Variants in USH2A observed in about 807,000 individuals in gnomAD.
USH2A encodes the protein Usher syndrome 2A (autosomal recessive, mild).
In USH2A, 443 loss-of-function variants were observed where a neutral mutation model predicts 538.9. The observed-to-expected ratio is 0.82, with a 90% CI of 0.76 to 0.89. The LOEUF (loss-of-function observed/expected upper bound fraction) is 0.89, where lower values mean the gene tolerates loss of function less well. USH2A is among the 40% of genes least tolerant of loss of function. The pLI, the probability that USH2A is intolerant of heterozygous loss-of-function variation, is 0.00. For missense variants in USH2A, 6,633 were observed against 6,324.8 expected (o/e 1.05, Z -1.65); for synonymous variants, 2,413 against 2,273.5 (o/e 1.06, Z -1.75).
rs141126974 is a variant in USH2A, at chr1:215,640,722, C to T, written c.14804G>A (p.Arg4935Gln). The T allele has an allele frequency of 1.0e-4, 169 of 1,611,828 alleles. No individual in the cohort carries two copies. The African/African-American group carries it at 1.9e-3, about 18-fold the overall frequency. Residue 4935 changes from arginine (R) to glutamine (Q), a missense_variant, in exon 68 of 72, where the codon CGA becomes CAA. Transcript: ENST00000307340. The part of the protein sequence containing the change: ...FTTQKELPQY[R>Q]APFSVDSNLS... ...ATTGCTGTCCACCGAAAATGGGGCT[C>T]GGTACTGAGGCACTGTGGGGAGAAA...
chr1:216,264,976 T>C lies in USH2A; in HGVS notation c.1972-13878A>G, dbSNP rs78531793. On this transcript the variant is annotated intron_variant, in intron 11 of 71. Transcript: ENST00000307340. ...ACTATGAAAATACTAGAAGTAAACC[T>C]AGGAGACGTGCTTCAGGACATTGGT... is the stretch of plus-strand genomic sequence containing the variant. 5.3e-3 allele frequency among the ~76,000 whole-genome samples: 806 copies of C among 152,118 alleles called. 8 individuals carry two copies. Among genetic ancestry groups the C allele is most frequent in the Non-Finnish European group, 9.7e-3 (660 of 67,984 alleles).
At chr1:215,690,344 C>T (rs1477927098) in intron 61 of USH2A, among the ~76,000 whole-genome samples, 2 of 152,172 alleles carry the variant, frequency 1.3e-5, no homozygotes, top group African/African-American at 4.8e-5. Flanking sequence ...TGGCAACTCC[C>T]TTACCCATCT....
At chr1:215,677,874 A>G (rs938830692) in intron 62 of USH2A, among the ~76,000 whole-genome samples, 1 of 152,210 alleles carries the variant, frequency 6.6e-6, no homozygotes, top group African/African-American at 2.4e-5. Flanking sequence ...CCAGCAAAGA[A>G]CACTCTCAGG....
chr1:215,864,908 A>C (rs1222555924), intron 44 of USH2A, among the ~76,000 whole-genome samples: 1 of 152,198 alleles, frequency 6.6e-6, no homozygotes, highest in African/African-American at 2.4e-5. Context: ...TGATGTGTAC[A>C]TGGGGAGGGT....
intron 20 of USH2A, among the ~76,000 whole-genome samples, chr1:216,187,930 G>A (rs1401946476): frequency 6.6e-6 from 1 of 151,920 alleles, no homozygotes; most frequent in African/African-American, 2.4e-5. Flanking sequence ...TGGCATTTTG[G>A]CTAACCATTT....
At chr1:215,951,865 T>TTA (rs1571840795) in intron 37 of USH2A, among the ~76,000 whole-genome samples, 2 of 151,894 alleles carry the variant, frequency 1.3e-5, no homozygotes, top group South Asian at 2.1e-4. Context: ...TTTTTATTTT[T>TTA]TTTATTTTTT....
At chr1:215,927,183 C>T (rs1361941175) in intron 38 of USH2A, among the ~76,000 whole-genome samples, 3 of 152,062 alleles carry the variant, frequency 2.0e-5, no homozygotes, top group Non-Finnish European at 4.4e-5. Context: ...CTTTGAAAAA[C>T]TTTCAGTGAG....
At chr1:216,090,212 A>C (rs1159957780) in intron 22 of USH2A, among the ~76,000 whole-genome samples, 1 of 151,958 alleles carries the variant, frequency 6.6e-6, no homozygotes, top group East Asian at 1.9e-4. Flanking sequence ...TTTTTTCAAA[A>C]AGAGAAAATA....
At chr1:215,988,212 A>G (rs767537682) in intron 35 of USH2A, among the ~76,000 whole-genome samples, 5 of 152,102 alleles carry the variant, frequency 3.3e-5, no homozygotes, top group Non-Finnish European at 7.4e-5. Context: ...GACCTTGGTA[A>G]CCGTAATTCT....
chr1:215,816,211 TA>T (rs1179460033), intron 48 of USH2A, among the ~76,000 whole-genome samples: 7 of 152,058 alleles, frequency 4.6e-5, no homozygotes, highest in Admixed American at 1.3e-4. Context: ...CTTAATGGCA[TA>T]AAATGATGTC....
chr1:216,084,042 A>G (rs2032036353), intron 25 of USH2A, among the ~76,000 whole-genome samples: 1 of 152,132 alleles, frequency 6.6e-6, no homozygotes, highest in South Asian at 2.1e-4. Flanking sequence ...GGAGGCAGTG[A>G]TGGGCTTTTA....
intron 38 of USH2A, among the ~76,000 whole-genome samples, chr1:215,917,202 C>A (rs2102485056): frequency 6.6e-6 from 1 of 152,054 alleles, no homozygotes; most frequent in East Asian, 1.9e-4. Flanking sequence ...CAGAGACTTC[C>A]TACATTTAGA....
intron 29 of USH2A, among the ~76,000 whole-genome samples, chr1:216,072,193 A>G (rs1040394963): frequency 2.6e-5 from 4 of 152,230 alleles, no homozygotes; most frequent in African/African-American, 9.6e-5. Flanking sequence ...CCAAAATAGT[A>G]GAATGTCACT....
Position 215,844,962 on chromosome 1 carries a change from G to A in USH2A, c.9056-466C>T, listed in dbSNP as rs79345241. Among the ~76,000 whole-genome samples, 554 of 152,258 alleles carry A rather than the reference G, an allele frequency of 3.6e-3. 3 individuals are homozygous for A. The highest frequency in any genetic ancestry group is 0.013 in the African/African-American group (527 of 41,546). ...TACTAGCTTGTAACTCAAGCAATAT[G>A]AAGCAATAATGCAATATTGTCATTA... On this transcript the variant is annotated intron_variant, in intron 45 of 71. Coordinates refer to ENST00000307340, the MANE Select transcript of USH2A (RefSeq NM_206933.4).
rs546883653 is a variant in USH2A, at chr1:216,297,694, C to T, written c.1645-5324G>A. 3.7e-4 allele frequency among the ~76,000 whole-genome samples: 56 copies of T among 152,172 alleles called. No individual in the cohort carries two copies. The East Asian group carries it at 5.6e-3, about 15-fold the overall frequency. ...TGTGATTTATAAATGCACTGGTCTA[C>T]GATCTGCTTTGGAGGAGGTAGCCTA... On this transcript the variant is annotated intron_variant, in intron 9 of 71. Coordinates refer to ENST00000307340, the MANE Select transcript of USH2A (RefSeq NM_206933.4).
intron 36 of USH2A, among the ~76,000 whole-genome samples, chr1:215,966,678 A>G (rs1353538540): frequency 6.6e-6 from 1 of 152,198 alleles, no homozygotes; most frequent in Admixed American, 6.5e-5. Flanking sequence ...AGCTACATAC[A>G]AAAATGATGA....
intron 4 of USH2A, among the ~76,000 whole-genome samples, chr1:216,355,312 A>G (rs1001607732): frequency 3.6e-5 from 1 of 28,018 alleles, no homozygotes; most frequent in African/African-American, 7.0e-5. Flanking sequence ...CTTCAAAAAG[A>G]AAGAAAGAAA....
chr1:216,029,494 A>C (rs964342675), intron 32 of USH2A, among the ~76,000 whole-genome samples: 2 of 152,050 alleles, frequency 1.3e-5, no homozygotes, highest in African/African-American at 4.8e-5. Context: ...GTGTGTGTAT[A>C]GCCAGAAAAA....
chr1:216,417,315 C>G (rs1047424896), intron 3 of USH2A, among the ~76,000 whole-genome samples: 3 of 146,112 alleles, frequency 2.1e-5, no homozygotes, highest in Admixed American at 2.0e-4. Context: ...ATAAAATGAA[C>G]AAGGATGTAA....
Sources: allele counts gnomAD v4.1 joint callset (sites outside exome capture counted in the v4.1 genomes callset), GRCh38; gene constraint gnomAD v4.1.1; transcripts MANE v1.5; gene names NCBI Gene and HGNC (gene_info 2026-07-23, HGNC 2026-07-21).